Variants in IMPA1 observed in about 807,000 individuals in gnomAD.
The protein encoded by IMPA1 is D-galactose 1-phosphate phosphatase.
IMPA1 carries 21 observed loss-of-function variants against 34.9 expected under a neutral mutation model. That is an observed-to-expected ratio of 0.60 (90% CI 0.43 to 0.87). The LOEUF is 0.87. Among genes scored for constraint, IMPA1 ranks in the 40% least tolerant of loss-of-function variants. IMPA1 has a pLI of 0.00. For missense variants in IMPA1, 299 were observed against 336.4 expected (o/e 0.89, Z 0.87); for synonymous variants, 95 against 104.4 (o/e 0.91, Z 0.55).
intron 7 of IMPA1, among the ~76,000 whole-genome samples, chr8:81,663,223 A>G (rs1806728013): frequency 6.6e-6 from 1 of 152,258 alleles, no homozygotes; most frequent in South Asian, 2.1e-4. Flanking sequence ...TAACCATTTT[A>G]TAGCCCATGG....
intron 7 of IMPA1, among the ~76,000 whole-genome samples, chr8:81,668,544 A>G (rs1424677270): frequency 6.6e-6 from 1 of 152,106 alleles, no homozygotes; most frequent in Non-Finnish European, 1.5e-5. Flanking sequence ...ACTGAGCTAT[A>G]ATTGCACCAC....
At position 81,676,299 on chromosome 8, in the gene IMPA1, C is replaced by A; in HGVS notation, c.303-20G>T. ...GGAAATCTTTTTTTAAAAAAAAGGA[C>A]AAAATACAAATTAACCAACATAGAA... On this transcript the variant is annotated intron_variant, in intron 4 of 8. Transcript: ENST00000256108. The A allele has an allele frequency of 8.5e-7, 1 of 1,176,274 alleles. No individual in the cohort carries two copies. Among genetic ancestry groups the A allele is most frequent in the Admixed American group, 2.5e-5 (1 of 40,156 alleles). The allele number at this position is 1,176,274 out of a possible 1,614,324, so 72.9% of individuals were successfully genotyped here. A position where few individuals can be genotyped will look rare whatever the true frequency, so the allele number is the denominator to read the frequency against.
chr8:81,657,537 T>A lies in IMPA1; in HGVS notation c.*1814A>T, dbSNP rs1387203467. Among the ~76,000 whole-genome samples the A allele has an allele frequency of 6.6e-6, 1 of 152,114 alleles. No homozygotes were observed. The highest frequency in any genetic ancestry group is 1.5e-5 in the Non-Finnish European group (1 of 68,014). On this transcript the variant is annotated 3_prime_UTR_variant, in exon 9 of 9. Coordinates refer to ENST00000256108, the MANE Select transcript of IMPA1 (RefSeq NM_005536.4). The stretch of plus-strand genomic sequence containing the variant: ...TTGAGACTGCAATGAATGGTGATCA[T>A]GCCACTGCATTACTGTTTGAGCAGA...
intron 6 of IMPA1, among the ~76,000 whole-genome samples, chr8:81,671,842 A>C (rs1315180679): frequency 3.3e-5 from 5 of 152,202 alleles, no homozygotes; most frequent in Non-Finnish European, 7.3e-5. Context: ...GGTTGCAGTG[A>C]TCCGAGATCA....
intron 5 of IMPA1, among the ~76,000 whole-genome samples, chr8:81,675,283 T>G (rs575001316): frequency 6.7e-6 from 1 of 148,914 alleles, no homozygotes; most frequent in Admixed American, 6.7e-5. Context: ...AACCCCTAGT[T>G]TTCTAAGGGC....
Position 81,659,414 on chromosome 8 carries a change from T to C in IMPA1, c.771A>G (p.Ile257Met). Residue 257 changes from isoleucine (I) to methionine (M), a missense_variant, in exon 9 of 9, where the codon ATA (isoleucine) becomes ATG (methionine). Coordinates refer to ENST00000256108, the MANE Select transcript of IMPA1 (RefSeq NM_005536.4). The part of the protein sequence containing the change: ...SRRVIAANNR[I>M]LAERIAKEIQ... ...TTTCTTTAGCTATCCTTTCTGCTAATATTCTATTATTTGCAGCAATTACTC... is the reference window on the plus strand; with the variant it reads ...TTTCTTTAGCTATCCTTTCTGCTAACATTCTATTATTTGCAGCAATTACTC... 6.2e-7 allele frequency: 1 copy of C among 1,612,548 alleles called. No individual in the cohort carries two copies. The highest frequency in any genetic ancestry group is 8.5e-7 in the Non-Finnish European group (1 of 1,178,810).
intron 1 of IMPA1, among the ~76,000 whole-genome samples, chr8:81,684,105 A>ATG (rs1225132333): frequency 4.0e-5 from 6 of 148,406 alleles, no homozygotes; most frequent in African/African-American, 1.5e-4. Context: ...AACTATATAT[A>ATG]TATATATATA....
At chr8:81,668,068 C>T (rs1266768090) in intron 7 of IMPA1, among the ~76,000 whole-genome samples, 1 of 152,154 alleles carries the variant, frequency 6.6e-6, no homozygotes, top group Non-Finnish European at 1.5e-5. Flanking sequence ...CGTGATCCAC[C>T]TGCCTCAGCC....
chr8:81,680,710 G>T lies in IMPA1; in HGVS notation c.137C>A (p.Thr46Lys), dbSNP rs61755741. The T allele has an allele frequency of 1.2e-6, 2 of 1,612,114 alleles. No individual in the cohort carries two copies. Among genetic ancestry groups the T allele is most frequent in the South Asian group, 1.1e-5 (1 of 90,964 alleles). ...AAGCATTTTTTCAACTTTTTGGTCC[G>T]TAGCAGTTACCAAATCAACTGGAGA... ...KSSPVDLVTATDQKVEKMLIS... is the reference protein window; with the variant it reads ...KSSPVDLVTAKDQKVEKMLIS... The change falls in exon 3 of 9, where the codon ACG (threonine) becomes AAG (lysine). Residue 46 changes from threonine to lysine, a missense_variant. Physicochemically the swap from Thr to Lys is moderately conservative, Grantham distance 78 (BLOSUM62 -1). Transcript: ENST00000256108.
At chr8:81,670,737 G>A (rs1806961099) in intron 7 of IMPA1, among the ~76,000 whole-genome samples, 1 of 152,078 alleles carries the variant, frequency 6.6e-6, no homozygotes, top group Admixed American at 6.6e-5. Context: ...CAGATTAACT[G>A]ACAAAACTGA....
At chr8:81,677,340 C>A (rs1397300358) in intron 4 of IMPA1, among the ~76,000 whole-genome samples, 1 of 152,166 alleles carries the variant, frequency 6.6e-6, no homozygotes, top group Admixed American at 6.5e-5. Context: ...GGTTATCCAC[C>A]CACCTTGGCC....
chr8:81,666,870 A>C (rs796532385), intron 7 of IMPA1, among the ~76,000 whole-genome samples: 2,568 of 49,222 alleles, frequency 0.052, 26 homozygotes, highest in African/African-American at 0.21. Flanking sequence ...ACTCTGTCTC[A>C]AAAAAAAAAA....
At position 81,673,869 on chromosome 8, in the gene IMPA1, A is replaced by G; in HGVS notation, c.429T>C (p.Gly143=). The change falls in exon 6 of 9, where the codon GGT becomes GGC. Residue 143 remains glycine, a synonymous_variant. Coordinates refer to ENST00000256108, the MANE Select transcript of IMPA1 (RefSeq NM_005536.4). ...ARKGKGAFCN[G]QKLQVSQQED... ...CTTGTTGTGAAACTTGTAGTTTTTGACCATTACAAAAGGCACCTTTTCCTT... is the reference window on the plus strand; with the variant it reads ...CTTGTTGTGAAACTTGTAGTTTTTGGCCATTACAAAAGGCACCTTTTCCTT... 1.9e-6 allele frequency: 3 copies of G among 1,610,380 alleles called. No homozygotes were observed. The highest frequency in any genetic ancestry group is 2.5e-6 in the Non-Finnish European group (3 of 1,176,750).
At chr8:81,663,003 T>C (rs1217904977) in intron 7 of IMPA1, among the ~76,000 whole-genome samples, 2 of 152,234 alleles carry the variant, frequency 1.3e-5, no homozygotes, top group African/African-American at 4.8e-5. Flanking sequence ...CATTGTTTTG[T>C]ATAAGTGATT....
At position 81,667,984 on chromosome 8, in the gene IMPA1, T is replaced by C. The variant is rs775748947; in HGVS notation, c.566+2955A>G. Among the ~76,000 whole-genome samples, 108 of 151,948 alleles carry C rather than the reference T, an allele frequency of 7.1e-4. No individual in the cohort carries two copies. The Middle Eastern group carries it at 0.01, about 14-fold the overall frequency. On this transcript the variant is annotated intron_variant, in intron 7 of 8. Transcript: ENST00000256108. The stretch of plus-strand genomic sequence containing the variant: ...GACTACAAGCGCCCGCCACCACGCC[T>C]GGCTAATTTTTTGTATTTTTAGTAG...
intron 7 of IMPA1, among the ~76,000 whole-genome samples, chr8:81,670,496 A>G (rs1003815593): frequency 2.6e-5 from 4 of 152,196 alleles, no homozygotes; most frequent in African/African-American, 9.6e-5. Context: ...AATAGACAAA[A>G]TAAGTGACAA....
intron 5 of IMPA1, chr8:81,674,218 A>C: frequency 3.1e-6 from 1 of 326,814 alleles, no homozygotes; most frequent in African/African-American, 2.1e-5. Flanking sequence ...GGGCTTTCCT[A>C]TTTTCTAAGT....
At chr8:81,679,072 G>A (rs1807215365) in intron 4 of IMPA1, 54 bp downstream of exon 4, 1 of 1,140,366 alleles carries the variant, frequency 8.8e-7, no homozygotes, top group South Asian at 1.2e-5. Context: ...AGTATCTATA[G>A]GTCAATCCAG....
chr8:81,684,674 TTTAGATACTATGTGGAGTATAA>T (rs201497422), intron 1 of IMPA1, among the ~76,000 whole-genome samples: 804 of 85,206 alleles, frequency 9.4e-3, no homozygotes, highest in East Asian at 0.064. Flanking sequence ...CATAAGTATA[TTTAGATACTATGTGGAGTATAA>T]ATACTACACA....
Sources: allele counts gnomAD v4.1 joint callset (sites outside exome capture counted in the v4.1 genomes callset), GRCh38; gene constraint gnomAD v4.1.1; transcripts MANE v1.5; gene names NCBI Gene and HGNC (gene_info 2026-07-23, HGNC 2026-07-21).